The following PLEKHA7 variants were observed in gnomAD, a reference collection of about 807,000 sequenced individuals.
PLEKHA7 encodes the protein pleckstrin homology domain containing A7.
In PLEKHA7, 104 loss-of-function variants were observed where a neutral mutation model predicts 170.0. That is an observed-to-expected ratio of 0.61 (90% confidence interval 0.52 to 0.72). The LOEUF (loss-of-function observed/expected upper bound fraction) is 0.72. Ranked by LOEUF, PLEKHA7 falls within the 30% of genes least tolerant of loss-of-function variation. PLEKHA7 has a pLI of 0.00. For synonymous variants in PLEKHA7, 648 were observed against 660.8 expected (o/e 0.98, Z 0.30); for missense variants, 1,615 against 1,671.7 (o/e 0.97, Z 0.59).
intron 3 of PLEKHA7, among the ~76,000 whole-genome samples, chr11:16,933,798 G>C (rs1344500728): frequency 6.6e-6 from 1 of 152,194 alleles, no homozygotes; most frequent in Admixed American, 6.5e-5. Flanking sequence ...TCCTTCCTGG[G>C]TATAGGGAGA....
At chr11:16,883,397 C>A (rs1249471481) in intron 3 of PLEKHA7, among the ~76,000 whole-genome samples, 1 of 152,218 alleles carries the variant, frequency 6.6e-6, no homozygotes, top group Non-Finnish European at 1.5e-5. Flanking sequence ...CACCCTGTGG[C>A]TTTGTCTCCA....
At chr11:16,971,995 T>A (rs1862745156) in intron 3 of PLEKHA7, among the ~76,000 whole-genome samples, 2 of 152,188 alleles carry the variant, frequency 1.3e-5, no homozygotes, top group South Asian at 4.2e-4. Context: ...GGCTAATTTT[T>A]ATATTTTTAG....
intron 3 of PLEKHA7, among the ~76,000 whole-genome samples, chr11:17,009,625 T>TTTTATTTATTTATTTATTTA (rs34851996): frequency 3.4e-5 from 5 of 149,118 alleles, no homozygotes; most frequent in African/African-American, 9.9e-5. Context: ...AAAGTCTTCG[T>TTTTATTTATTTATTTATTTA]TTTATTTATT....
chr11:17,007,272 GC>G (rs1263057424), intron 3 of PLEKHA7, among the ~76,000 whole-genome samples: 1 of 152,076 alleles, frequency 6.6e-6, no homozygotes, highest in Non-Finnish European at 1.5e-5. Context: ...TAAAATTTAT[GC>G]TAATAATTTA....
In PLEKHA7 at chr11:17,014,344, A is replaced by G; in HGVS notation, c.58T>C (p.Cys20Arg). 6.9e-7 allele frequency: 1 copy of G among 1,442,234 alleles called. No individual in the cohort carries two copies. The highest frequency in any genetic ancestry group is 1.5e-5 in the African/African-American group (1 of 66,976). The allele number at this position is 1,442,234 out of a possible 1,614,324, so 89.3% of individuals were successfully genotyped here. ...ATGAAGAAGACGCGGCCATCCCGGCACACCCCGTAGGACCAATGCTCAGGT... is the reference window on the plus strand; with the variant it reads ...ATGAAGAAGACGCGGCCATCCCGGCGCACCCCGTAGGACCAATGCTCAGGT... ...TLPEHWSYGV[C>R]RDGRVFFIND... is the part of the protein sequence containing the mutation. Residue 20 changes from cysteine to arginine, a missense_variant, in exon 1 of 27, where the codon TGC (cysteine) becomes CGC (arginine). Physicochemically the swap from Cys to Arg is radical, Grantham distance 180 (BLOSUM62 -3). Transcript: ENST00000531066.
chr11:17,000,480 T>C (rs1864599710), intron 3 of PLEKHA7, among the ~76,000 whole-genome samples: 1 of 152,130 alleles, frequency 6.6e-6, no homozygotes, highest in South Asian at 2.1e-4. Context: ...TTGGCACCAA[T>C]CATTTACTGC....
chr11:16,777,486 A>G lies in PLEKHA7; in HGVS notation c.*1512T>C, dbSNP rs1848756530. On this transcript the variant is annotated 3_prime_UTR_variant, in exon 27 of 27. Transcript: ENST00000531066. ...CATATGGAGTTAGTTAAAAATAGAC[A>G]ACAACTGCTAGATATATTCAAAATT... 6.6e-6 allele frequency: 1 copy of G among 152,250 alleles called. No homozygotes were observed. Among genetic ancestry groups the G allele is most frequent in the Admixed American group, 6.5e-5 (1 of 15,288 alleles). The allele number at this position is 152,250 out of a possible 1,614,324, so 9.4% of individuals were successfully genotyped here.
chr11:16,979,393 C>A (rs1033784564), intron 3 of PLEKHA7, among the ~76,000 whole-genome samples: 2 of 150,180 alleles, frequency 1.3e-5, no homozygotes, highest in Admixed American at 6.6e-5. Flanking sequence ...ACCTTCAGAG[C>A]AAAGCTCCAG....
At chr11:16,779,745 C>CA (rs1314577214) in intron 26 of PLEKHA7, among the ~76,000 whole-genome samples, 1 of 152,112 alleles carries the variant, frequency 6.6e-6, no homozygotes, top group Non-Finnish European at 1.5e-5. Context: ...AGACACCTGC[C>CA]AAAAAATCAT....
At chr11:16,802,450 C>A (rs1002968045) in intron 15 of PLEKHA7, among the ~76,000 whole-genome samples, 8 of 152,344 alleles carry the variant, frequency 5.3e-5, no homozygotes, top group Admixed American at 2.6e-4. Context: ...AGGCTCACCT[C>A]ACAGGGCCTC....
At chr11:16,984,019 G>A (rs1863588893) in intron 3 of PLEKHA7, among the ~76,000 whole-genome samples, 3 of 152,120 alleles carry the variant, frequency 2.0e-5, no homozygotes, top group African/African-American at 7.2e-5. Flanking sequence ...GGTCGAGGCT[G>A]CAGCCTGGGC....
chr11:16,907,258 T>C (rs1246498029), intron 3 of PLEKHA7, among the ~76,000 whole-genome samples: 5 of 128,904 alleles, frequency 3.9e-5, no homozygotes, highest in African/African-American at 6.2e-5. Flanking sequence ...GGGAAGGATG[T>C]GGGGGGGTCA....
chr11:16,912,170 C>T (rs1169323650), intron 3 of PLEKHA7, among the ~76,000 whole-genome samples: 1 of 152,194 alleles, frequency 6.6e-6, no homozygotes, highest in Non-Finnish European at 1.5e-5. Flanking sequence ...ACTCCTTATT[C>T]AGTGGAATGT....
At chr11:16,927,244 C>G (rs1393568837) in intron 3 of PLEKHA7, among the ~76,000 whole-genome samples, 1 of 152,122 alleles carries the variant, frequency 6.6e-6, no homozygotes, top group African/African-American at 2.4e-5. Context: ...TTTTTTTAAA[C>G]CATACTTCCT....
intron 3 of PLEKHA7, among the ~76,000 whole-genome samples, chr11:16,952,058 C>A (rs977544105): frequency 1.3e-5 from 2 of 152,220 alleles, no homozygotes; most frequent in African/African-American, 2.4e-5. Flanking sequence ...GGGGCCCAGC[C>A]TGACCCAAAA....
At chr11:16,792,049 G>T (rs1166781005) in intron 19 of PLEKHA7, among the ~76,000 whole-genome samples, 1 of 152,168 alleles carries the variant, frequency 6.6e-6, no homozygotes, top group East Asian at 1.9e-4. Flanking sequence ...CAAGCTCTTG[G>T]AAAGTTCAGG....
chr11:16,835,008 G>C (rs557625845), intron 9 of PLEKHA7, among the ~76,000 whole-genome samples: 1 of 152,208 alleles, frequency 6.6e-6, no homozygotes, highest in African/African-American at 2.4e-5. Context: ...GGTGGCTCAT[G>C]CCTGTAATCC....
intron 3 of PLEKHA7, among the ~76,000 whole-genome samples, chr11:16,955,035 G>A (rs1861620724): frequency 6.6e-6 from 1 of 152,204 alleles, no homozygotes; most frequent in East Asian, 1.9e-4. Flanking sequence ...AACAGTTTTT[G>A]CAAATGTCAG....
chr11:16,850,649 G>A (rs1852854665), intron 8 of PLEKHA7, among the ~76,000 whole-genome samples: 1 of 152,188 alleles, frequency 6.6e-6, no homozygotes, highest in South Asian at 2.1e-4. Context: ...TACAGACACA[G>A]ACCAAGTAGG....
Sources: allele counts gnomAD v4.1 joint callset (sites outside exome capture counted in the v4.1 genomes callset), GRCh38; gene constraint gnomAD v4.1.1; transcripts MANE v1.5; gene names NCBI Gene and HGNC (gene_info 2026-07-23, HGNC 2026-07-21).